CACNB4: variants seen among roughly 807,000 people sequenced by gnomAD.
CACNB4 encodes voltage-dependent L-type calcium channel subunit beta-4.
CACNB4 carries 32 observed loss-of-function variants against 71.2 expected under a neutral mutation model. The ratio of observed to expected loss-of-function variants is 0.45; its 90% CI spans 0.34 to 0.60. The LOEUF (loss-of-function observed/expected upper bound fraction) is 0.60. Ranked by LOEUF, CACNB4 falls within the 20% of genes least tolerant of loss-of-function variation. The probability of loss-of-function intolerance (pLI) is 0.01; values close to 1 mark genes in which losing one functional copy is unlikely to be tolerated. For missense variants in CACNB4, 464 were observed against 647.9 expected, an observed-to-expected ratio of 0.72 and a Z score of 3.08; for synonymous variants, 231 against 236.9, an observed-to-expected ratio of 0.97 and a Z score of 0.23.
At chr2:152,025,628 T>A (rs1683920155) in intron 2 of CACNB4, among the ~76,000 whole-genome samples, 1 of 152,210 alleles carries the variant, frequency 6.6e-6, no homozygotes, top group Non-Finnish European at 1.5e-5. Flanking sequence ...ACAGAAAATA[T>A]TTTGTTATTG....
chr2:152,039,671 T>C (rs556932411), intron 2 of CACNB4, among the ~76,000 whole-genome samples: 1 of 152,374 alleles, frequency 6.6e-6, no homozygotes, highest in East Asian at 1.9e-4. Context: ...GTGATCACTC[T>C]GTGCATGGCA....
At chr2:151,946,768 C>T (rs1250403099) in intron 2 of CACNB4, among the ~76,000 whole-genome samples, 1 of 152,292 alleles carries the variant, frequency 6.6e-6, no homozygotes, top group South Asian at 2.1e-4. Context: ...AAAAAGAAAA[C>T]ACCGTCCCAG....
rs574441971 is a variant in CACNB4, at chr2:152,073,502, G to A, written c.147+24828C>T. 3.9e-5 allele frequency among the ~76,000 whole-genome samples: 6 copies of A among 152,196 alleles called. No homozygotes were observed. The East Asian group carries it at 1.2e-3, about 29-fold the overall frequency. On this transcript the variant is annotated intron_variant, in intron 2 of 13. Coordinates refer to ENST00000539935, the MANE Select transcript of CACNB4 (RefSeq NM_000726.5). The stretch of plus-strand genomic sequence containing the variant: ...TTAGCCACCACCCCCAGATTCTAGT[G>A]CCATCCCCAAGGCTGGCATAAGTTA...
intron 3 of CACNB4, chr2:151,882,850 G>C (rs532219493): frequency 1.9e-4 from 50 of 260,496 alleles, no homozygotes; most frequent in African/African-American, 9.5e-4. Flanking sequence ...GAGAAGAGTA[G>C]AGAAACAAAC....
At chr2:152,065,097 C>T (rs1686235472) in intron 2 of CACNB4, among the ~76,000 whole-genome samples, 2 of 152,154 alleles carry the variant, frequency 1.3e-5, no homozygotes, top group South Asian at 4.1e-4. Flanking sequence ...TGTCCCCCAA[C>T]CCAAACCCAG....
At chr2:151,875,833 G>A (rs1265683194) in intron 5 of CACNB4, among the ~76,000 whole-genome samples, 1 of 142,186 alleles carries the variant, frequency 7.0e-6, no homozygotes, top group Non-Finnish European at 1.5e-5. Context: ...GGGGCGTCTC[G>A]CCTGGCGGGG....
rs5835398 is a variant in CACNB4 at position 151,999,376 on chromosome 2, G to GTT, written c.147+98952_147+98953dup. Reference sequence around the variant, plus strand: ...TATTCTGTCTGCCCGCCCTGTTATGGTTTTTTTTTTTTCTTCTTATACCCT... The same window carrying GTT: ...TATTCTGTCTGCCCGCCCTGTTATGGTTTTTTTTTTTTTTCTTCTTATACCCT... On this transcript the variant is annotated intron_variant, in intron 2 of 13. Coordinates refer to ENST00000539935, the MANE Select transcript of CACNB4 (RefSeq NM_000726.5). Among the ~76,000 whole-genome samples, 610 of 147,228 alleles carry GTT rather than the reference G, an allele frequency of 4.1e-3. 1 individual carries two copies. Among genetic ancestry groups the GTT allele is most frequent in the Non-Finnish European group, 5.8e-3 (385 of 66,876 alleles).
chr2:151,948,461 A>G (rs62175747), intron 2 of CACNB4, among the ~76,000 whole-genome samples: 4,090 of 152,168 alleles, frequency 0.027, 52 homozygotes, highest in African/African-American at 0.033. Flanking sequence ...GGAGTTTGAG[A>G]CCAGCCTGGG....
chr2:151,979,637 C>T (rs1364575470), intron 2 of CACNB4, among the ~76,000 whole-genome samples: 1 of 152,176 alleles, frequency 6.6e-6, no homozygotes, highest in Admixed American at 6.5e-5. Flanking sequence ...CAGTGCTGAT[C>T]TACCAATTAC....
In CACNB4 at chr2:151,880,488, C is replaced by A; in HGVS notation, c.390+312G>T. 1.1e-5 allele frequency: 4 copies of A among 359,910 alleles called. No individual in the cohort carries two copies. The South Asian group carries it at 1.1e-4, about 10-fold the overall frequency. The allele number at this position is 359,910 out of a possible 1,614,324, so 22.3% of individuals were successfully genotyped here. A position where few individuals can be genotyped will look rare whatever the true frequency, so the allele number is the denominator to read the frequency against. ...AAACTTACATTTTCCAAAGTTGGAT[C>A]CATATATTTATGGCTCTGCAGTCAC... On this transcript the variant is annotated intron_variant, in intron 4 of 13. Transcript: ENST00000539935.
At chr2:151,871,027 T>C (rs2099844480) in intron 6 of CACNB4, 166 bp from the exon 7 acceptor site, 1 of 613,598 alleles carries the variant, frequency 1.6e-6, no homozygotes, top group Non-Finnish European at 2.9e-6. Flanking sequence ...TCTGGACACG[T>C]CAATTTTGAA....
At chr2:151,939,659 G>T (rs1404700610) in intron 2 of CACNB4, among the ~76,000 whole-genome samples, 2 of 152,142 alleles carry the variant, frequency 1.3e-5, no homozygotes, top group Non-Finnish European at 2.9e-5. Flanking sequence ...GCCCACCAAA[G>T]TGACTACCCA....
chr2:151,858,305 C>T (rs2099840784), intron 10 of CACNB4: 1 of 152,178 alleles, frequency 6.6e-6, no homozygotes, highest in South Asian at 2.1e-4. Flanking sequence ...CCCTTATACT[C>T]AAACCTGTTC....
At chr2:152,001,475 G>A (rs927899373) in intron 2 of CACNB4, among the ~76,000 whole-genome samples, 2 of 136,458 alleles carry the variant, frequency 1.5e-5, no homozygotes, top group Admixed American at 8.2e-5. Flanking sequence ...GATCACCTGA[G>A]GTCAGGAGTT....
intron 2 of CACNB4, among the ~76,000 whole-genome samples, chr2:151,993,944 G>A (rs1681881566): frequency 6.6e-6 from 1 of 151,536 alleles, no homozygotes; most frequent in Non-Finnish European, 1.5e-5. Flanking sequence ...GGTCAAGGCA[G>A]GAGGATTGCT....
intron 2 of CACNB4, among the ~76,000 whole-genome samples, chr2:152,076,187 G>GGCT (rs1461925316): frequency 7.8e-6 from 1 of 127,732 alleles, no homozygotes; most frequent in East Asian, 2.2e-4. Flanking sequence ...CTGTCACCCA[G>GGCT]GCTGGAGTGC....
intron 2 of CACNB4, among the ~76,000 whole-genome samples, chr2:151,930,044 A>T (rs767024182): frequency 2.2e-4 from 33 of 152,224 alleles, no homozygotes; most frequent in Admixed American, 6.5e-4. Flanking sequence ...GATAAAGACC[A>T]GGAAAACTGT....
intron 2 of CACNB4, among the ~76,000 whole-genome samples, chr2:152,073,918 G>A (rs1686844725): frequency 6.6e-6 from 1 of 152,148 alleles, no homozygotes; most frequent in Admixed American, 6.5e-5. Context: ...ACCAGAAGAG[G>A]CAGGACTGTA....
intron 7 of CACNB4, 86 bp from the exon 8 acceptor site, chr2:151,870,697 A>C: frequency 2.3e-6 from 3 of 1,298,734 alleles, no homozygotes; most frequent in Non-Finnish European, 3.3e-6. Flanking sequence ...CATAATTCTC[A>C]GGTTGAACGA....
Sources: allele counts gnomAD v4.1 joint callset (sites outside exome capture counted in the v4.1 genomes callset), GRCh38; gene constraint gnomAD v4.1.1; transcripts MANE v1.5; gene names NCBI Gene and HGNC (gene_info 2026-07-23, HGNC 2026-07-21).